The following FAM124A variants were observed in gnomAD, a reference collection of about 807,000 sequenced individuals.
FAM124A encodes family with sequence similarity 124 member A, also known as protein FAM124A.
FAM124A carries 23 observed loss-of-function variants against 24.5 expected under a neutral mutation model. That is an observed-to-expected ratio of 0.94 (90% CI 0.68 to 1.33). The LOEUF is 1.33. FAM124A is among the 40% of genes most tolerant of loss of function. FAM124A has a pLI of 0.00. For synonymous variants in FAM124A, 287 were observed against 314.7 expected, an observed-to-expected ratio of 0.91 and a Z score of 0.93; for missense variants, 623 against 722.8, an observed-to-expected ratio of 0.86 and a Z score of 1.58.
intron 1 of FAM124A, among the ~76,000 whole-genome samples, chr13:51,228,643 C>A (rs1016888588): frequency 1.3e-5 from 2 of 152,162 alleles, no homozygotes; most frequent in African/African-American, 4.8e-5. Flanking sequence ...ACAGACTTGT[C>A]CAGAGAACCC....
chr13:51,265,606 G>T (rs1954777780), intron 3 of FAM124A, among the ~76,000 whole-genome samples: 1 of 152,176 alleles, frequency 6.6e-6, no homozygotes, highest in African/African-American at 2.4e-5. Context: ...TATAGGGAAA[G>T]AATTTAGCAT....
chr13:51,228,068 T>C (rs1359637638), intron 1 of FAM124A, among the ~76,000 whole-genome samples: 1 of 152,166 alleles, frequency 6.6e-6, no homozygotes, highest in Non-Finnish European at 1.5e-5. Context: ...TTCAGTGCAA[T>C]GAGGGTTAAC....
chr13:51,237,159 T>C (rs1432081406), intron 2 of FAM124A, among the ~76,000 whole-genome samples: 1 of 152,198 alleles, frequency 6.6e-6, no homozygotes, highest in East Asian at 1.9e-4. Flanking sequence ...GTTGTATACC[T>C]TGAGTGTCTC....
Position 51,251,257 on chromosome 13 carries a change from G to T in FAM124A, c.101-211G>T, listed in dbSNP as rs1344550733. Among the ~76,000 whole-genome samples, 1 of 152,138 alleles carries T rather than the reference G, an allele frequency of 6.6e-6. No individual in the cohort carries two copies. Among genetic ancestry groups the T allele is most frequent in the African/African-American group, 2.4e-5 (1 of 41,424 alleles). ...CCTGTCCAGCTTAGAAACTATTCAC[G>T]TAGCAACAGCCCTTTCCTCTTTGGC... On this transcript the variant is annotated intron_variant, in intron 2 of 3. Transcript: ENST00000322475. The surrounding 1 kb of genome is among the most constrained non-coding windows in gnomAD (Gnocchi z 5.3).
chr13:51,272,017 T>G lies in FAM124A; in HGVS notation c.835-8433T>G, dbSNP rs1466222028. Among the ~76,000 whole-genome samples, 1 of 152,208 alleles carries G rather than the reference T, an allele frequency of 6.6e-6. No homozygotes were observed. The highest frequency in any genetic ancestry group is 1.5e-5 in the Non-Finnish European group (1 of 68,036). ...GAGTTTTCGTAATCCATTTTTATTA[T>G]GTCAAGTAGTCGGGGCTCACTTTTC... On this transcript the variant is annotated intron_variant, in intron 3 of 3. Coordinates refer to ENST00000322475, the MANE Select transcript of FAM124A (RefSeq NM_001242312.2). The surrounding 1 kb of genome is among the most constrained non-coding windows in gnomAD (Gnocchi z 4.2).
intron 1 of FAM124A, among the ~76,000 whole-genome samples, chr13:51,231,006 T>C (rs1954370618): frequency 6.6e-6 from 1 of 152,138 alleles, no homozygotes; most frequent in African/African-American, 2.4e-5. Context: ...ACCTTTGGAG[T>C]GAATCTGTGA....
chr13:51,254,020 C>T (rs1350117330), intron 3 of FAM124A, among the ~76,000 whole-genome samples: 1 of 152,146 alleles, frequency 6.6e-6, no homozygotes, highest in Non-Finnish European at 1.5e-5. Context: ...GCATGAGGTC[C>T]ACACCTGCCC....
At chr13:51,243,501 T>A (rs751049557) in intron 2 of FAM124A, among the ~76,000 whole-genome samples, 8 of 152,132 alleles carry the variant, frequency 5.3e-5, no homozygotes, top group Non-Finnish European at 8.8e-5. Context: ...CCTTTTTCCC[T>A]CCTGCTTTCA....
chr13:51,254,066 A>G (rs1383615156), intron 3 of FAM124A, among the ~76,000 whole-genome samples: 2 of 152,132 alleles, frequency 1.3e-5, no homozygotes, highest in Non-Finnish European at 2.9e-5. Context: ...AAAAATTTGT[A>G]TTTCAGTCTT....
chr13:51,227,295 T>C (rs572275099), intron 1 of FAM124A: 1 of 152,348 alleles, frequency 6.6e-6, no homozygotes, highest in Non-Finnish European at 1.5e-5. Flanking sequence ...GAGGCATGAA[T>C]TGAAGCCTGG....
chr13:51,245,549 T>A (rs903769035), intron 2 of FAM124A: 8 of 450,242 alleles, frequency 1.8e-5, no homozygotes, highest in Non-Finnish European at 3.1e-5. Flanking sequence ...GGCTGCTTTT[T>A]TGTTAAAAGC....
rs1385942089 is a variant in FAM124A at position 51,284,077 on chromosome 13, T to A, written c.*2821T>A. 1.3e-5 allele frequency: 2 copies of A among 152,172 alleles called. No individual in the cohort carries two copies. The highest frequency in any genetic ancestry group is 2.9e-5 in the Non-Finnish European group (2 of 68,034). The allele number at this position is 152,172 out of a possible 1,614,324, so 9.4% of individuals were successfully genotyped here. On this transcript the variant is annotated 3_prime_UTR_variant, in exon 4 of 4. Coordinates refer to ENST00000322475, the MANE Select transcript of FAM124A (RefSeq NM_001242312.2). The stretch of plus-strand genomic sequence containing the variant: ...ACGGAGAGGGAATCACAGGAACACA[T>A]TTACCAAAGCCTTCCCTTCCATTCC...
intron 2 of FAM124A, among the ~76,000 whole-genome samples, chr13:51,234,079 G>T (rs530321908): frequency 1.3e-5 from 2 of 152,188 alleles, no homozygotes; most frequent in African/African-American, 4.8e-5. Context: ...AGCCTCTCTC[G>T]ACTCAGTGGC....
chr13:51,235,771 A>T (rs1593588151), intron 2 of FAM124A, among the ~76,000 whole-genome samples: 1 of 152,372 alleles, frequency 6.6e-6, no homozygotes, highest in Non-Finnish European at 1.5e-5. Context: ...AAATGCTAAA[A>T]GATTGGGTGA....
chr13:51,260,790 G>C (rs877352), intron 3 of FAM124A, among the ~76,000 whole-genome samples: 12,625 of 152,166 alleles, frequency 0.083, 627 homozygotes, highest in South Asian at 0.13. Flanking sequence ...GGGCTTGTCA[G>C]ACAGACTTTT....
intron 1 of FAM124A, among the ~76,000 whole-genome samples, chr13:51,228,078 CAGA>C (rs1954334827): frequency 6.6e-6 from 1 of 151,922 alleles, no homozygotes; most frequent in Non-Finnish European, 1.5e-5. Flanking sequence ...TGAGGGTTAA[CAGA>C]AGAAGTTCAT....
chr13:51,234,463 C>T (rs958281953), intron 2 of FAM124A, among the ~76,000 whole-genome samples: 8 of 152,146 alleles, frequency 5.3e-5, no homozygotes, highest in Admixed American at 4.6e-4. Flanking sequence ...AGAGTGGTGG[C>T]GTGGTGAGGT....
chr13:51,251,803 T>C lies in FAM124A; in HGVS notation c.436T>C (p.Cys146Arg). The change falls in exon 3 of 4, where the codon TGC (cysteine) becomes CGC (arginine). Residue 146 changes from cysteine to arginine, a missense_variant. By Grantham distance (180) the Cys-to-Arg change is radical. Transcript: ENST00000322475. This position sits in a 1 kb window ranked among gnomAD's most constrained non-coding sequence, Gnocchi z 5.3. The part of the protein sequence containing the change: ...VHGRFLPYLP[C>R]SQDFFTLAPG... ...CGGCCGGTTCCTGCCCTACCTGCCC[T>C]GCAGCCAGGACTTCTTCACGCTGGC... The C allele has an allele frequency of 6.3e-7, 1 of 1,596,332 alleles. No homozygotes were observed. Among genetic ancestry groups the C allele is most frequent in the Non-Finnish European group, 8.5e-7 (1 of 1,171,620 alleles).
Position 51,280,875 on chromosome 13 carries a change from G to C in FAM124A, c.1260G>C (p.Leu420=), listed in dbSNP as rs1231169952. 6.2e-7 allele frequency: 1 copy of C among 1,614,172 alleles called. No individual in the cohort carries two copies. The highest frequency in any genetic ancestry group is 1.7e-5 in the Admixed American group (1 of 60,030). ...CAGACGTGGACACAGGCCTGCGGCT[G>C]TCCTCATCGGACCTGTCTGTGGTCT... ...QETDVDTGLR[L]SSSDLSVVSA... Residue 420 remains leucine (L), a synonymous_variant, in exon 4 of 4, where the codon CTG becomes CTC. Transcript: ENST00000322475.
Sources: gnomAD v4.1 joint callset for allele counts (sites outside exome capture counted in the v4.1 genomes callset) on GRCh38, gnomAD v4.1.1 for gene constraint, Gnocchi (gnomAD v3.1) non-coding constraint, MANE v1.5 for transcripts, NCBI Gene and HGNC (gene_info 2026-07-23, HGNC 2026-07-21) for gene names.